Variants in CNTNAP2 observed in about 807,000 individuals in gnomAD.
CNTNAP2 encodes the protein contactin-associated protein-like 2.
Under a neutral mutation model 155.2 loss-of-function variants are expected in CNTNAP2, and 98 were observed. The ratio of observed to expected loss-of-function variants is 0.63; its 90% CI spans 0.54 to 0.75. The LOEUF is 0.75. Ranked by LOEUF, CNTNAP2 falls within the 30% of genes least tolerant of loss-of-function variation. The pLI is 0.00. For synonymous variants in CNTNAP2, 651 were observed against 631.2 expected (o/e 1.03, Z -0.47); for missense variants, 1,727 against 1,688.1 (o/e 1.02, Z -0.40).
At chr7:148,055,530 A>G (rs35275476) in intron 15 of CNTNAP2, among the ~76,000 whole-genome samples, 12,957 of 152,196 alleles carry the variant, frequency 0.085, 660 homozygotes, top group East Asian at 0.26. Context: ...CAGCTTCTTC[A>G]TCTGTAAAAT....
intron 3 of CNTNAP2, among the ~76,000 whole-genome samples, chr7:147,012,320 T>G (rs1448650643): frequency 6.6e-6 from 1 of 152,142 alleles, no homozygotes; most frequent in African/African-American, 2.4e-5. Context: ...TTGTAGAAAT[T>G]ACAGAGTAAA....
chr7:147,535,421 T>C (rs1366996175), intron 11 of CNTNAP2, among the ~76,000 whole-genome samples: 1 of 151,500 alleles, frequency 6.6e-6, no homozygotes, highest in African/African-American at 2.4e-5. Context: ...AATAAATAAA[T>C]AAAAAGGTGG....
chr7:148,031,398 T>G (rs374303151), intron 15 of CNTNAP2, among the ~76,000 whole-genome samples: 1 of 152,344 alleles, frequency 6.6e-6, no homozygotes, highest in East Asian at 1.9e-4. Flanking sequence ...TAAAGCCTCC[T>G]TGGTCAACAG....
At chr7:147,812,782 G>A (rs985971177) in intron 13 of CNTNAP2, among the ~76,000 whole-genome samples, 5 of 152,130 alleles carry the variant, frequency 3.3e-5, no homozygotes, top group African/African-American at 1.2e-4. Context: ...ATTTTGGCTG[G>A]CTATGGGTAA....
intron 12 of CNTNAP2, among the ~76,000 whole-genome samples, chr7:147,619,604 A>T (rs1245610291): frequency 6.6e-6 from 1 of 152,178 alleles, no homozygotes; most frequent in Non-Finnish European, 1.5e-5. Flanking sequence ...CTTTGGAAGG[A>T]GAGAGAAGAG....
At chr7:148,011,107 TTA>T (rs1336529246) in intron 15 of CNTNAP2, among the ~76,000 whole-genome samples, 2 of 152,144 alleles carry the variant, frequency 1.3e-5, no homozygotes, top group Non-Finnish European at 2.9e-5. Context: ...ATTCATCCAT[TTA>T]CAATGTAAAA....
At chr7:147,615,829 A>G (rs1801279856) in intron 12 of CNTNAP2, among the ~76,000 whole-genome samples, 1 of 152,174 alleles carries the variant, frequency 6.6e-6, no homozygotes, top group Non-Finnish European at 1.5e-5. Flanking sequence ...TAATTAATTT[A>G]GTCCTCATTT....
chr7:146,471,485 TC>T (rs1469083008), intron 1 of CNTNAP2, among the ~76,000 whole-genome samples: 2 of 152,252 alleles, frequency 1.3e-5, no homozygotes, highest in African/African-American at 4.8e-5. Context: ...GACCCAATAG[TC>T]TTTTCTGATG....
intron 1 of CNTNAP2, among the ~76,000 whole-genome samples, chr7:146,473,535 C>T (rs1417046338): frequency 6.6e-6 from 1 of 152,106 alleles, no homozygotes; most frequent in East Asian, 1.9e-4. Context: ...TCTAAACCAT[C>T]TCTTGATTTC....
At chr7:146,226,812 G>A (rs1799299721) in intron 1 of CNTNAP2, among the ~76,000 whole-genome samples, 1 of 152,110 alleles carries the variant, frequency 6.6e-6, no homozygotes, top group Non-Finnish European at 1.5e-5. Flanking sequence ...GAGAAATGGT[G>A]AGGGGAAATT....
intron 12 of CNTNAP2, among the ~76,000 whole-genome samples, chr7:147,611,667 T>C (rs1801188755): frequency 6.6e-6 from 1 of 152,186 alleles, no homozygotes; most frequent in South Asian, 2.1e-4. Flanking sequence ...TAATCACTAT[T>C]TTCCACCACC....
chr7:147,594,406 A>G (rs988964589), intron 12 of CNTNAP2, among the ~76,000 whole-genome samples: 1 of 152,076 alleles, frequency 6.6e-6, no homozygotes, highest in African/African-American at 2.4e-5. Context: ...CATAACATGC[A>G]TTTCATAGCT....
chr7:146,180,323 T>C (rs1484253667), intron 1 of CNTNAP2, among the ~76,000 whole-genome samples: 3 of 151,954 alleles, frequency 2.0e-5, no homozygotes, highest in African/African-American at 4.8e-5. Flanking sequence ...CCTTTTCTCT[T>C]CCTTTCCTTT....
intron 9 of CNTNAP2, among the ~76,000 whole-genome samples, chr7:147,361,741 A>G (rs1796150862): frequency 6.6e-6 from 1 of 152,184 alleles, no homozygotes; most frequent in African/African-American, 2.4e-5. Context: ...CATCTTGAGT[A>G]AGATAAACTT....
At position 147,925,286 on chromosome 7, in the gene CNTNAP2, G is replaced by GCA. The variant is rs1162370180; in HGVS notation, c.2255+21566_2255+21567insAC. Among the ~76,000 whole-genome samples the GCA allele has an allele frequency of 4.8e-3, 316 of 65,422 alleles. 9 individuals carry two copies. The highest frequency in any genetic ancestry group is 0.025 in the African/African-American group (287 of 11,560). 42.9% of individuals were successfully genotyped at this position (65,422 alleles called of 152,430 possible). On this transcript the variant is annotated intron_variant, in intron 14 of 23. Coordinates refer to ENST00000361727, the MANE Select transcript of CNTNAP2 (RefSeq NM_014141.6). ...ATAATGCAGACAAACACACACAAGC[G>GCA]CGCGCGCACACACACACACACACAC...
chr7:146,728,099 G>T (rs1801462556), intron 1 of CNTNAP2, among the ~76,000 whole-genome samples: 1 of 152,160 alleles, frequency 6.6e-6, no homozygotes, highest in Non-Finnish European at 1.5e-5. Context: ...GCACCCAACC[G>T]AACCTGCAGA....
chr7:146,684,759 G>A (rs989955145), intron 1 of CNTNAP2, among the ~76,000 whole-genome samples: 1 of 149,484 alleles, frequency 6.7e-6, no homozygotes, highest in African/African-American at 2.5e-5. Context: ...TACTTCACAA[G>A]TAAGAACACC....
At chr7:147,614,507 A>G (rs1801245579) in intron 12 of CNTNAP2, among the ~76,000 whole-genome samples, 1 of 151,698 alleles carries the variant, frequency 6.6e-6, no homozygotes, top group South Asian at 2.1e-4. Context: ...ATTTTTGTAT[A>G]TTGTTCTTAT....
intron 1 of CNTNAP2, among the ~76,000 whole-genome samples, chr7:146,665,011 A>G (rs1800165572): frequency 6.6e-6 from 1 of 152,046 alleles, no homozygotes; most frequent in African/African-American, 2.4e-5. Context: ...TGCAGTGGTC[A>G]GATGTTGGCT....
Sources: gnomAD v4.1 joint callset for allele counts (sites outside exome capture counted in the v4.1 genomes callset) on GRCh38, gnomAD v4.1.1 for gene constraint, MANE v1.5 for transcripts, NCBI Gene and HGNC (gene_info 2026-07-23, HGNC 2026-07-21) for gene names.